The following AKT3 variants were observed in gnomAD, a reference collection of about 807,000 sequenced individuals.
The protein encoded by AKT3 is AKT serine/threonine kinase 3, also known as RAC-gamma serine/threonine-protein kinase.
Under a neutral mutation model 65.3 loss-of-function variants are expected in AKT3, and 15 were observed. The observed-to-expected ratio is 0.23, with a 90% CI of 0.15 to 0.35. The LOEUF (loss-of-function observed/expected upper bound fraction) is 0.35, where lower values mean the gene tolerates loss of function less well. Among genes scored for constraint, AKT3 ranks in the 10% least tolerant of loss-of-function variants. The probability of loss-of-function intolerance (pLI) is 1.00; values close to 1 mark genes in which losing one functional copy is unlikely to be tolerated. For missense variants in AKT3, 243 were observed against 576.5 expected, an observed-to-expected ratio of 0.42 and a Z score of 5.92; for synonymous variants, 206 against 183.8, an observed-to-expected ratio of 1.12 and a Z score of -0.98.
chr1:243,718,320 A>G (rs10927061), intron 2 of AKT3, among the ~76,000 whole-genome samples: 7,966 of 152,270 alleles, frequency 0.052, 696 homozygotes, highest in African/African-American at 0.18. Context: ...CGTTACTTAC[A>G]TAGGAGATGA....
intron 12 of AKT3, among the ~76,000 whole-genome samples, chr1:243,530,872 G>C (rs1671475737): frequency 6.6e-6 from 1 of 152,082 alleles, no homozygotes; most frequent in Admixed American, 6.5e-5. Context: ...TAAGCTTGGT[G>C]TTCTATTTCT....
chr1:243,808,194 A>G (rs1324827218), intron 2 of AKT3: 1 of 152,248 alleles, frequency 6.6e-6, no homozygotes, highest in Non-Finnish European at 1.5e-5. Context: ...GACTTTGACG[A>G]GTTGAGAGCA....
At chr1:243,531,492 T>C (rs1278283065) in intron 12 of AKT3, among the ~76,000 whole-genome samples, 5 of 152,316 alleles carry the variant, frequency 3.3e-5, no homozygotes, top group Non-Finnish European at 7.4e-5. Flanking sequence ...TTTTCTCCCA[T>C]ATATATATTT....
chr1:243,620,149 T>G lies in AKT3; in HGVS notation c.562-4988A>C. 2.1e-5 allele frequency among the ~76,000 whole-genome samples: 2 copies of G among 96,780 alleles called. 1 individual carries two copies. The highest frequency in any genetic ancestry group is 5.8e-5 in the Non-Finnish European group (2 of 34,756). The allele number at this position is 96,780 out of a possible 152,430, so 63.5% of individuals were successfully genotyped here. ...CCCACGCTGTTCTTGTGATAGTGAG[T>G]GAATTCTTAGGAGCTCTGATGGTTT... On this transcript the variant is annotated intron_variant, in intron 6 of 13. Coordinates refer to ENST00000673466, the MANE Select transcript of AKT3 (RefSeq NM_005465.7).
intron 2 of AKT3, among the ~76,000 whole-genome samples, chr1:243,705,561 A>G (rs1456728022): frequency 6.6e-6 from 1 of 152,202 alleles, no homozygotes; most frequent in Non-Finnish European, 1.5e-5. Flanking sequence ...ACACAATAAC[A>G]TCTTAATAGA....
chr1:243,641,992 G>A (rs1353565473), intron 5 of AKT3, among the ~76,000 whole-genome samples: 1 of 151,492 alleles, frequency 6.6e-6, no homozygotes, highest in African/African-American at 2.4e-5. Context: ...GGAACAATGA[G>A]GCTAAAAAAA....
intron 2 of AKT3, among the ~76,000 whole-genome samples, chr1:243,726,478 G>A (rs542613859): frequency 6.6e-6 from 1 of 152,256 alleles, no homozygotes; most frequent in African/African-American, 2.4e-5. Flanking sequence ...ATTTAATATG[G>A]TTGTTTGGTA....
intron 2 of AKT3, among the ~76,000 whole-genome samples, chr1:243,717,368 A>G (rs1351053169): frequency 6.6e-6 from 1 of 152,180 alleles, no homozygotes; most frequent in African/African-American, 2.4e-5. Flanking sequence ...TATCAAAAAT[A>G]CTGGAAGCAC....
At chr1:243,747,148 T>C (rs982902195) in intron 2 of AKT3, among the ~76,000 whole-genome samples, 2 of 152,124 alleles carry the variant, frequency 1.3e-5, no homozygotes, top group African/African-American at 2.4e-5. Flanking sequence ...GGATTAGAGA[T>C]AGAGAGTGTA....
chr1:243,612,635 C>T (rs1371931831), intron 8 of AKT3: 2 of 154,972 alleles, frequency 1.3e-5, no homozygotes, highest in Non-Finnish European at 2.9e-5. Context: ...TTTTCCCTCA[C>T]ATTGACTGTG....
chr1:243,816,644 C>A (rs1189780084), intron 2 of AKT3, among the ~76,000 whole-genome samples: 1 of 151,786 alleles, frequency 6.6e-6, no homozygotes, highest in African/African-American at 2.4e-5. Context: ...TAAAACAACA[C>A]AAAGGCAGAA....
chr1:243,763,800 T>C (rs1007535535), intron 2 of AKT3, among the ~76,000 whole-genome samples: 23 of 152,160 alleles, frequency 1.5e-4, no homozygotes, highest in Non-Finnish European at 3.1e-4. Flanking sequence ...CTTACTAATT[T>C]TAGAATTTAA....
intron 2 of AKT3, among the ~76,000 whole-genome samples, chr1:243,758,531 A>G (rs1689284529): frequency 6.6e-6 from 1 of 152,190 alleles, no homozygotes; most frequent in Non-Finnish European, 1.5e-5. Flanking sequence ...GAGCCAGATC[A>G]TCTAGAGCAG....
At chr1:243,670,523 G>A (rs983644940) in intron 3 of AKT3, among the ~76,000 whole-genome samples, 5 of 152,150 alleles carry the variant, frequency 3.3e-5, no homozygotes, top group African/African-American at 1.2e-4. Flanking sequence ...TTTTGGTTAC[G>A]TAAAGATTCC....
chr1:243,770,659 C>G (rs1341739371), intron 2 of AKT3, among the ~76,000 whole-genome samples: 2 of 151,006 alleles, frequency 1.3e-5, no homozygotes, highest in African/African-American at 4.9e-5. Flanking sequence ...CCTTTCCAGA[C>G]AGCTGTTTCT....
intron 1 of AKT3, among the ~76,000 whole-genome samples, chr1:243,849,474 T>C (rs956412702): frequency 7.2e-6 from 1 of 138,258 alleles, no homozygotes; most frequent in African/African-American, 2.7e-5. Flanking sequence ...CGGGGACGCC[T>C]GTGCATCCTC....
At chr1:243,799,707 CATAA>C (rs1558822351) in intron 2 of AKT3, among the ~76,000 whole-genome samples, 1 of 152,104 alleles carries the variant, frequency 6.6e-6, no homozygotes, top group Non-Finnish European at 1.5e-5. Context: ...ACAAAATTGT[CATAA>C]ATAAGTTAGT....
intron 4 of AKT3, among the ~76,000 whole-genome samples, chr1:243,653,770 C>T (rs1262227798): frequency 6.6e-6 from 1 of 152,160 alleles, no homozygotes; most frequent in Non-Finnish European, 1.5e-5. Context: ...GCTATATCAT[C>T]CTGTTCAACA....
At chr1:243,544,698 GTTTT>G (rs149837431) in intron 12 of AKT3, among the ~76,000 whole-genome samples, 7 of 93,962 alleles carry the variant, frequency 7.4e-5, no homozygotes, top group African/African-American at 1.4e-4. Context: ...GTGGTTTTTT[GTTTT>G]TTGTTTTTTT....
Sources: allele counts gnomAD v4.1 joint callset (sites outside exome capture counted in the v4.1 genomes callset), GRCh38; gene constraint gnomAD v4.1.1; transcripts MANE v1.5; gene names NCBI Gene and HGNC (gene_info 2026-07-23, HGNC 2026-07-21).